Variants in PRKCI observed in about 807,000 individuals in gnomAD.
The protein encoded by PRKCI is protein kinase C iota type.
A neutral mutation model predicts 84.0 loss-of-function variants in PRKCI; 43 were observed. The ratio of observed to expected loss-of-function variants is 0.51; its 90% confidence interval spans 0.40 to 0.66. PRKCI has a LOEUF of 0.66. Ranked by LOEUF, PRKCI falls within the 30% of genes least tolerant of loss-of-function variation. The pLI is 0.00. For missense variants in PRKCI, 459 were observed against 745.6 expected, an observed-to-expected ratio of 0.62 and a Z score of 4.48; for synonymous variants, 216 against 234.4, an observed-to-expected ratio of 0.92 and a Z score of 0.72.
chr3:170,222,686 A>G lies in PRKCI; in HGVS notation c.17A>G (p.Asp6Gly), dbSNP rs1309785216. 3.1e-6 allele frequency: 5 copies of G among 1,601,760 alleles called. No homozygotes were observed. In the South Asian group the frequency reaches 5.6e-5, roughly 18 times the overall value. MPTQR[D>G]SSTMSHTVAG... ...AGTGAGGAGATGCCGACCCAGAGGG[A>G]CAGCAGCACCATGTCCCACACGGTC... Residue 6 changes from aspartate to glycine, a missense_variant, in exon 1 of 18, where the codon GAC becomes GGC. Physicochemically the swap from Asp to Gly is moderately conservative, Grantham distance 94. This residue lies in a region of PRKCI where 250 missense variants were observed against 319.7 expected (regional missense o/e 0.78). Transcript: ENST00000295797.
At chr3:170,227,171 T>C (rs1480846406) in intron 1 of PRKCI, among the ~76,000 whole-genome samples, 1 of 152,234 alleles carries the variant, frequency 6.6e-6, no homozygotes, top group African/African-American at 2.4e-5. Context: ...TTTACAACTT[T>C]AGTGTCTGTT....
chr3:170,255,866 G>T (rs1241465063), intron 2 of PRKCI, among the ~76,000 whole-genome samples: 1 of 152,046 alleles, frequency 6.6e-6, no homozygotes, highest in Non-Finnish European at 1.5e-5. Flanking sequence ...TGTCATGAAG[G>T]GATGTTGAAT....
chr3:170,291,651 C>A (rs1347685422), intron 12 of PRKCI: 2 of 463,806 alleles, frequency 4.3e-6, no homozygotes, highest in Non-Finnish European at 4.0e-6. Context: ...GAGCTGAGAT[C>A]GTGCCACTGC....
In PRKCI at chr3:170,273,788, C is replaced by T. The variant is rs142114913; in HGVS notation, c.646+448C>T. Among the ~76,000 whole-genome samples the T allele has an allele frequency of 1.2e-4, 18 of 147,556 alleles. No homozygotes were observed. The East Asian group carries it at 3.5e-3, about 29-fold the overall frequency. ...CAAGATCATGCCACTGCACTCTAGC[C>T]TGGGTGACAGAACAAGACTCCATCT... On this transcript the variant is annotated intron_variant, in intron 7 of 17. Coordinates refer to ENST00000295797, the MANE Select transcript of PRKCI (RefSeq NM_002740.6).
At chr3:170,249,117 G>A (rs1236422987) in intron 2 of PRKCI, among the ~76,000 whole-genome samples, 2 of 151,884 alleles carry the variant, frequency 1.3e-5, no homozygotes, top group Non-Finnish European at 2.9e-5. Context: ...CAAAGCGCTG[G>A]GATTACAGGC....
chr3:170,242,860 G>C (rs1159400451), intron 2 of PRKCI, among the ~76,000 whole-genome samples: 1 of 151,780 alleles, frequency 6.6e-6, no homozygotes, highest in East Asian at 1.9e-4. Context: ...TAGTAGAGAT[G>C]GGGTTTTGCA....
At chr3:170,265,110 A>C (rs1733824984) in intron 4 of PRKCI, among the ~76,000 whole-genome samples, 1 of 151,656 alleles carries the variant, frequency 6.6e-6, no homozygotes, top group African/African-American at 2.4e-5. Context: ...AATTGCTTGA[A>C]CCTGGGAAGC....
intron 8 of PRKCI, among the ~76,000 whole-genome samples, chr3:170,276,596 G>A (rs1184640545): frequency 1.3e-5 from 2 of 151,980 alleles, no homozygotes; most frequent in Non-Finnish European, 1.5e-5. Flanking sequence ...CTACAGGCAT[G>A]TGTCACCACT....
intron 17 of PRKCI, among the ~76,000 whole-genome samples, chr3:170,299,907 T>C (rs1409488219): frequency 6.6e-6 from 1 of 152,254 alleles, no homozygotes; most frequent in Non-Finnish European, 1.5e-5. Context: ...TTTAAAGCTC[T>C]TGTATTGCCA....
chr3:170,231,757 G>C (rs778121465), intron 1 of PRKCI, among the ~76,000 whole-genome samples: 3 of 152,144 alleles, frequency 2.0e-5, no homozygotes, highest in Non-Finnish European at 4.4e-5. Context: ...GAGCCACTGC[G>C]CCCAGCCTTA....
chr3:170,304,752 AAT>A lies in PRKCI; in HGVS notation c.*1630_*1631del, dbSNP rs1476218206. On this transcript the variant is annotated 3_prime_UTR_variant, in exon 18 of 18. Coordinates refer to ENST00000295797, the MANE Select transcript of PRKCI (RefSeq NM_002740.6). ...TAGCATCCTTCTGTTGTTTATTTTA[AAT>A]ATATTTTTAATGAAAAGGGACTTAA... 1 of 152,156 alleles carries A rather than the reference AAT, an allele frequency of 6.6e-6. No individual in the cohort carries two copies. The highest frequency in any genetic ancestry group is 1.5e-5 in the Non-Finnish European group (1 of 68,008). 9.4% of individuals were successfully genotyped at this position (152,156 alleles called of 1,614,324 possible). A position where few individuals can be genotyped will look rare whatever the true frequency, so the allele number is the denominator to read the frequency against.
At chr3:170,288,599 A>G (rs900989545) in intron 12 of PRKCI, among the ~76,000 whole-genome samples, 2 of 151,990 alleles carry the variant, frequency 1.3e-5, no homozygotes, top group African/African-American at 4.8e-5. Context: ...AACCACAAAA[A>G]CTAGCCAGGT....
At chr3:170,245,684 A>G (rs925868690) in intron 2 of PRKCI, among the ~76,000 whole-genome samples, 8 of 152,126 alleles carry the variant, frequency 5.3e-5, no homozygotes, top group African/African-American at 1.9e-4. Context: ...CTCCATCCCT[A>G]GGCAATCACT....
chr3:170,233,746 A>C (rs1423516956), intron 1 of PRKCI, among the ~76,000 whole-genome samples: 1 of 151,952 alleles, frequency 6.6e-6, no homozygotes, highest in Non-Finnish European at 1.5e-5. Flanking sequence ...TTTTAAACAG[A>C]ATCTCACTTT....
intron 15 of PRKCI, 76 bp from the exon 16 acceptor site, chr3:170,297,228 A>G (rs1293252521): frequency 2.0e-5 from 25 of 1,232,778 alleles, no homozygotes; most frequent in Middle Eastern, 1.9e-4. Flanking sequence ...GTGAGGGCAC[A>G]CAACACAGAT....
chr3:170,299,731 A>G (rs901047167), intron 17 of PRKCI, among the ~76,000 whole-genome samples: 3 of 152,228 alleles, frequency 2.0e-5, no homozygotes, highest in Non-Finnish European at 4.4e-5. Flanking sequence ...TTACACAGCT[A>G]TCAGGTGGCA....
At chr3:170,230,959 T>TG (rs1436851516) in intron 1 of PRKCI, among the ~76,000 whole-genome samples, 5 of 149,192 alleles carry the variant, frequency 3.4e-5, no homozygotes, top group South Asian at 2.1e-4. Context: ...AATTTTTTTT[T>TG]TTTGTTTTTT....
intron 12 of PRKCI, among the ~76,000 whole-genome samples, chr3:170,288,147 G>A (rs1734446767): frequency 6.6e-6 from 1 of 151,748 alleles, no homozygotes. Context: ...TCGGGAGGCT[G>A]AGGCAGGAGA....
chr3:170,293,227 C>A, intron 13 of PRKCI, 156 bp from the exon 14 acceptor site: 1 of 549,734 alleles, frequency 1.8e-6, no homozygotes, highest in Non-Finnish European at 3.0e-6. Context: ...ATAAATGAAG[C>A]ATTTCTATAA....
Sources: gnomAD v4.1 joint callset for allele counts (sites outside exome capture counted in the v4.1 genomes callset) on GRCh38, gnomAD v4.1.1 for gene constraint, gnomAD v4.1.1 regional missense constraint, MANE v1.5 for transcripts, NCBI Gene and HGNC (gene_info 2026-07-23, HGNC 2026-07-21) for gene names.